Variants in APC observed in about 807,000 individuals in gnomAD.
The protein encoded by APC is APC regulator of Wnt signaling pathway.
Under a neutral mutation model 247.0 loss-of-function variants are expected in APC, and 72 were observed. That is an observed-to-expected ratio of 0.29 (90% CI 0.24 to 0.35). The LOEUF is 0.35. Among genes scored for constraint, APC ranks in the 10% least tolerant of loss-of-function variants. APC has a pLI of 1.00. For missense variants in APC, 3,400 were observed against 3,360.7 expected (o/e 1.01, Z -0.29); for synonymous variants, 1,254 against 1,162.5 (o/e 1.08, Z -1.60).
At chr5:112,806,147 A>T (rs578209828) in intron 8 of APC, among the ~76,000 whole-genome samples, 1 of 152,326 alleles carries the variant, frequency 6.6e-6, no homozygotes, top group South Asian at 2.1e-4. Flanking sequence ...TCTGAGCTTA[A>T]GCACCAGTTT....
chr5:112,774,358 A>G (rs1440548604), intron 4 of APC, among the ~76,000 whole-genome samples: 3 of 152,116 alleles, frequency 2.0e-5, no homozygotes, highest in Admixed American at 6.6e-5. Flanking sequence ...GAGATGCCCA[A>G]CTGGTAAGTA....
chr5:112,796,959 C>T (rs1422852419), intron 7 of APC, among the ~76,000 whole-genome samples: 1 of 151,850 alleles, frequency 6.6e-6, no homozygotes, highest in Non-Finnish European at 1.5e-5. Flanking sequence ...TAAAATAGCC[C>T]TCTATTTTAT....
intron 1 of APC, among the ~76,000 whole-genome samples, chr5:112,723,241 C>T (rs1165620390): frequency 6.6e-6 from 1 of 152,072 alleles, no homozygotes; most frequent in Non-Finnish European, 1.5e-5. Flanking sequence ...ACTTGGGGAT[C>T]GCTTGAGCTC....
chr5:112,767,725 G>A (rs1756521368), intron 4 of APC, among the ~76,000 whole-genome samples: 1 of 151,884 alleles, frequency 6.6e-6, no homozygotes, highest in African/African-American at 2.4e-5. Context: ...CCACCTCCTG[G>A]GTTCAAGCGG....
chr5:112,843,134 A>G lies in APC; in HGVS notation c.7540A>G (p.Thr2514Ala), dbSNP rs545125246. Residue 2514 changes from threonine to alanine, a missense_variant, in exon 16 of 16, where the codon ACT becomes GCT. Physicochemically the swap from Thr to Ala is moderately conservative, Grantham distance 58. This residue lies in a region of APC where 1,788 missense variants were observed against 1,649.5 expected (regional missense o/e 1.08). Coordinates refer to ENST00000257430, the MANE Select transcript of APC (RefSeq NM_000038.6). This position sits in a 1 kb window ranked among gnomAD's most constrained non-coding sequence, Gnocchi z 4.8. ...WRKLPPNLSPTIEYNDGRPAK... is the reference protein window; with the variant it reads ...WRKLPPNLSPAIEYNDGRPAK... Reference sequence around the variant, plus strand: ...AAAACTCCCACCTAATCTCAGTCCCACTATAGAGTATAATGATGGAAGACC... The same window carrying G: ...AAAACTCCCACCTAATCTCAGTCCCGCTATAGAGTATAATGATGGAAGACC... 9 of 1,613,986 alleles carry G rather than the reference A, an allele frequency of 5.6e-6. No homozygotes were observed. In the African/African-American group the frequency reaches 1.1e-4, roughly 19 times the overall value.
chr5:112,792,407 A>G (rs1215035130), intron 6 of APC, 39 bp from the exon 7 acceptor site: 1 of 1,371,238 alleles, frequency 7.3e-7, no homozygotes, highest in East Asian at 2.5e-5. Context: ...AATATTATTA[A>G]TAAAAACATA....
At chr5:112,779,777 A>C (rs1758123366) in intron 5 of APC, among the ~76,000 whole-genome samples, 1 of 152,190 alleles carries the variant, frequency 6.6e-6, no homozygotes. Context: ...CTCTATTGCA[A>C]CCCATAATTT....
intron 2 of APC, among the ~76,000 whole-genome samples, chr5:112,758,571 G>A (rs563361288): frequency 4.6e-5 from 7 of 151,620 alleles, no homozygotes; most frequent in East Asian, 2.0e-4. Context: ...GTGATCCACC[G>A]CCTCGGCCTC....
At chr5:112,783,847 A>T (rs1758650601) in intron 6 of APC, 1 of 335,664 alleles carries the variant, frequency 3.0e-6, no homozygotes, top group Non-Finnish European at 5.7e-6. Context: ...AATAGTCAGA[A>T]GATGTGAATA....
chr5:112,809,197 CAAAAA>C lies in APC; in HGVS notation c.835-6287_835-6283del, dbSNP rs542569641. ...GGAGACCCTGTCTCTACAAAAAATA[CAAAAA>C]AAAAAAAAAATTAGGCGTGGTGGCA... On this transcript the variant is annotated intron_variant, in intron 8 of 15. Transcript: ENST00000257430. Among the ~76,000 whole-genome samples, 87 of 126,284 alleles carry C rather than the reference CAAAAA, an allele frequency of 6.9e-4. 1 individual carries two copies. Among genetic ancestry groups the C allele is most frequent in the Admixed American group, 6.0e-3 (75 of 12,556 alleles). The allele number at this position is 126,284 out of a possible 152,430, so 82.8% of individuals were successfully genotyped here.
At chr5:112,716,910 A>C (rs1360110084) in intron 1 of APC, among the ~76,000 whole-genome samples, 1 of 152,206 alleles carries the variant, frequency 6.6e-6, no homozygotes, top group East Asian at 1.9e-4. Flanking sequence ...CTATCTTATA[A>C]AATCTAATGT....
chr5:112,752,914 T>C (rs1305605165), intron 1 of APC, among the ~76,000 whole-genome samples: 1 of 152,188 alleles, frequency 6.6e-6, no homozygotes, highest in Non-Finnish European at 1.5e-5. Flanking sequence ...GAGTTGATTT[T>C]TTTATTCCTG....
intron 1 of APC, among the ~76,000 whole-genome samples, chr5:112,745,820 T>C (rs1181425157): frequency 6.6e-6 from 1 of 151,952 alleles, no homozygotes; most frequent in African/African-American, 2.4e-5. Flanking sequence ...TCGCAAAGTA[T>C]GGGGATTACA....
intron 7 of APC, among the ~76,000 whole-genome samples, chr5:112,797,548 G>A (rs1320643626): frequency 6.6e-6 from 1 of 152,144 alleles, no homozygotes; most frequent in Non-Finnish European, 1.5e-5. Context: ...TCAAAACTCA[G>A]AAGTTACATA....
intron 6 of APC, 25 bp downstream of exon 6, chr5:112,780,928 A>G (rs1485565562): frequency 3.5e-6 from 5 of 1,445,928 alleles, no homozygotes; most frequent in East Asian, 2.3e-5. Flanking sequence ...TCTAAGTGAT[A>G]AAACAGCGAA....
Position 112,707,901 on chromosome 5 carries a change from A to G in APC, c.165+19A>G, listed in dbSNP as rs1487833679. The G allele has an allele frequency of 3.7e-6, 5 of 1,356,756 alleles. No individual in the cohort carries two copies. In the South Asian group the frequency reaches 6.2e-5, roughly 17 times the overall value. The allele number at this position is 1,356,756 out of a possible 1,614,324, so 84.0% of individuals were successfully genotyped here. On this transcript the variant is annotated intron_variant, in intron 1 of 13. Transcript: ENST00000507379. ...CTGGCAGGTGAGTGAGGCTGCAGGCATTGACGTCTCCTCCCGGCAAAGCTT... is the reference window on the plus strand; with the variant it reads ...CTGGCAGGTGAGTGAGGCTGCAGGCGTTGACGTCTCCTCCCGGCAAAGCTT...
Position 112,840,994 on chromosome 5 carries a change from T to C in APC, c.5400T>C (p.Asn1800=), listed in dbSNP as rs376290290. ...RKNADSKNNL[N]AERVFSDNKD... ...ATGCAGACTCAAAAAATAATTTAAA[T>C]GCTGAGAGAGTTTTCTCAGACAACA... Residue 1800 remains asparagine, a synonymous_variant, in exon 16 of 16, where the codon AAT becomes AAC. Coordinates refer to ENST00000257430, the MANE Select transcript of APC (RefSeq NM_000038.6). This position sits in a 1 kb window ranked among gnomAD's most constrained non-coding sequence, Gnocchi z 4.1. 2 of 1,612,150 alleles carry C rather than the reference T, an allele frequency of 1.2e-6. No individual in the cohort carries two copies. Among genetic ancestry groups the C allele is most frequent in the Non-Finnish European group, 1.7e-6 (2 of 1,178,506 alleles).
chr5:112,770,934 G>A (rs1014433073), intron 4 of APC, among the ~76,000 whole-genome samples: 3 of 152,084 alleles, frequency 2.0e-5, no homozygotes, highest in Non-Finnish European at 4.4e-5. Flanking sequence ...AAGCCCCGCT[G>A]TATAAGATTT....
At chr5:112,777,981 G>T in intron 5 of APC, 1 of 186,684 alleles carries the variant, frequency 5.4e-6, no homozygotes, top group East Asian at 1.5e-4. Flanking sequence ...AATTAACCCT[G>T]AACCATCTAA....
Sources: gnomAD v4.1 joint callset for allele counts (sites outside exome capture counted in the v4.1 genomes callset) on GRCh38, gnomAD v4.1.1 for gene constraint, gnomAD v4.1.1 regional missense constraint, Gnocchi (gnomAD v3.1) non-coding constraint, MANE v1.5 for transcripts, NCBI Gene and HGNC (gene_info 2026-07-23, HGNC 2026-07-21) for gene names.